The following ROBO2 variants were observed in gnomAD, a reference collection of about 807,000 sequenced individuals.
ROBO2 encodes the protein roundabout homolog 2.
ROBO2 carries 53 observed loss-of-function variants against 160.8 expected under a neutral mutation model. The observed-to-expected ratio is 0.33, with a 90% CI of 0.26 to 0.41. ROBO2 has a LOEUF of 0.41. ROBO2 is among the 10% of genes least tolerant of loss of function. The pLI is 1.00. For synonymous variants in ROBO2, 664 were observed against 611.7 expected, an observed-to-expected ratio of 1.09 and a Z score of -1.26; for missense variants, 1,577 against 1,722.4, an observed-to-expected ratio of 0.92 and a Z score of 1.49.
At chr3:77,317,830 GGGGGGCTGCTA>G (rs1455495667) in intron 2 of ROBO2, among the ~76,000 whole-genome samples, 2 of 34,294 alleles carry the variant, frequency 5.8e-5, no homozygotes, top group South Asian at 3.5e-3. Flanking sequence ...GGGGGCTGCT[GGGGGGCTGCTA>G]GGGGGCTGCT....
At chr3:77,248,387 T>C (rs1246341398) in intron 2 of ROBO2, among the ~76,000 whole-genome samples, 2 of 151,650 alleles carry the variant, frequency 1.3e-5, no homozygotes, top group Non-Finnish European at 2.9e-5. Flanking sequence ...TGAAAAACTG[T>C]CACACTGACC....
chr3:76,025,122 T>C (rs1320581338), intron 2 of ROBO2, among the ~76,000 whole-genome samples: 2 of 151,584 alleles, frequency 1.3e-5, no homozygotes, highest in South Asian at 2.1e-4. Flanking sequence ...TTAAATAAAC[T>C]CTTGTTCTCA....
intron 2 of ROBO2, among the ~76,000 whole-genome samples, chr3:77,443,558 T>A (rs997730086): frequency 6.6e-6 from 1 of 152,198 alleles, no homozygotes; most frequent in South Asian, 2.1e-4. Flanking sequence ...CTTTTGGAGT[T>A]CTTGTTTTAG....
chr3:76,923,680 T>C (rs1330222594), intron 2 of ROBO2, among the ~76,000 whole-genome samples: 5 of 152,200 alleles, frequency 3.3e-5, no homozygotes, highest in African/African-American at 1.2e-4. Flanking sequence ...CTGCAAAGTA[T>C]CATTGGTGCA....
At chr3:76,424,000 C>T (rs941456297) in intron 2 of ROBO2, among the ~76,000 whole-genome samples, 2 of 152,070 alleles carry the variant, frequency 1.3e-5, no homozygotes, top group South Asian at 2.1e-4. Context: ...GTCCATGGGC[C>T]TCCAAAACGT....
At chr3:76,109,542 A>G (rs1325997415) in intron 2 of ROBO2, among the ~76,000 whole-genome samples, 2 of 151,936 alleles carry the variant, frequency 1.3e-5, no homozygotes, top group Non-Finnish European at 2.9e-5. Flanking sequence ...ACACGTAATC[A>G]TTTACTGAGA....
At chr3:77,526,825 A>G (rs1005239321) in intron 6 of ROBO2, among the ~76,000 whole-genome samples, 1 of 151,488 alleles carries the variant, frequency 6.6e-6, no homozygotes, top group African/African-American at 2.4e-5. Flanking sequence ...TTAGGGAGCT[A>G]CTGAGTTGAA....
intron 2 of ROBO2, among the ~76,000 whole-genome samples, chr3:76,544,806 A>G (rs1445366707): frequency 6.6e-6 from 1 of 152,036 alleles, no homozygotes; most frequent in Non-Finnish European, 1.5e-5. Context: ...AAAGGATAGA[A>G]AGCTCTTAGA....
intron 2 of ROBO2, among the ~76,000 whole-genome samples, chr3:76,455,088 A>G (rs1012503582): frequency 6.6e-6 from 1 of 152,172 alleles, no homozygotes; most frequent in African/African-American, 2.4e-5. Context: ...AGAAAAACAT[A>G]AAGTATACAG....
At chr3:77,389,375 T>C (rs2074472828) in intron 2 of ROBO2, among the ~76,000 whole-genome samples, 1 of 152,196 alleles carries the variant, frequency 6.6e-6, no homozygotes, top group South Asian at 2.1e-4. Flanking sequence ...TCATTTGTAC[T>C]AGCCACATTT....
At chr3:77,261,539 C>T (rs895025812) in intron 2 of ROBO2, among the ~76,000 whole-genome samples, 6 of 152,046 alleles carry the variant, frequency 3.9e-5, no homozygotes, top group African/African-American at 9.7e-5. Context: ...GGAGAATCTG[C>T]GCTTTTATAT....
At chr3:76,217,457 G>A (rs991195104) in intron 2 of ROBO2, among the ~76,000 whole-genome samples, 6 of 151,936 alleles carry the variant, frequency 3.9e-5, no homozygotes, top group African/African-American at 9.7e-5. Context: ...TCAAATAGAC[G>A]CAATAAAAAA....
At chr3:76,925,556 A>G (rs191001153) in intron 2 of ROBO2, among the ~76,000 whole-genome samples, 148 of 152,316 alleles carry the variant, frequency 9.7e-4, no homozygotes, top group African/African-American at 3.5e-3. Context: ...TACTTAAACA[A>G]CATAGCAGAA....
rs1213283361 is a variant in ROBO2 at position 77,610,727 on chromosome 3, C to T, written c.3293+2773C>T. Among the ~76,000 whole-genome samples, 3 of 135,914 alleles carry T rather than the reference C, an allele frequency of 2.2e-5. No homozygotes were observed. In the Admixed American group the frequency reaches 2.3e-4, roughly 10 times the overall value. 89.2% of individuals were successfully genotyped at this position (135,914 alleles called of 152,430 possible). ...TTTCTGTGCAAATGGAGACAAATTT[C>T]CCTGGCCAAAGACCAAAAAAAAAAA... On this transcript the variant is annotated intron_variant, in intron 21 of 25. Transcript: ENST00000461745.
At chr3:77,470,038 C>A (rs1403529053) in intron 2 of ROBO2, among the ~76,000 whole-genome samples, 1 of 152,102 alleles carries the variant, frequency 6.6e-6, no homozygotes, top group Admixed American at 6.5e-5. Flanking sequence ...AACAAAGGGA[C>A]AGCTAGGAGT....
At chr3:76,420,261 C>T (rs956170430) in intron 2 of ROBO2, among the ~76,000 whole-genome samples, 1 of 152,142 alleles carries the variant, frequency 6.6e-6, no homozygotes, top group African/African-American at 2.4e-5. Flanking sequence ...GCAATCTTCT[C>T]ATCTCAACCT....
At chr3:76,992,361 ATATATAT>A (rs2060723620) in intron 2 of ROBO2, among the ~76,000 whole-genome samples, 1 of 57,758 alleles carries the variant, frequency 1.7e-5, no homozygotes, top group Non-Finnish European at 3.1e-5. Flanking sequence ...ATATATATAT[ATATATAT>A]AAATTTAGCT....
chr3:77,185,342 G>A (rs1021718654), intron 2 of ROBO2, among the ~76,000 whole-genome samples: 2 of 151,964 alleles, frequency 1.3e-5, no homozygotes, highest in Non-Finnish European at 2.9e-5. Flanking sequence ...AGGTGATGCT[G>A]AAGAGCAGGT....
At chr3:77,077,941 T>C (rs1460630582) in intron 1 of ROBO2, among the ~76,000 whole-genome samples, 1 of 152,178 alleles carries the variant, frequency 6.6e-6, no homozygotes, top group Non-Finnish European at 1.5e-5. Flanking sequence ...AGTCACCTTT[T>C]GTGAGCCTCC....
Sources: allele counts gnomAD v4.1 joint callset (sites outside exome capture counted in the v4.1 genomes callset), GRCh38; gene constraint gnomAD v4.1.1; transcripts MANE v1.5; gene names NCBI Gene and HGNC (gene_info 2026-07-23, HGNC 2026-07-21).